Variants in TG observed in about 807,000 individuals in gnomAD.
TG encodes the protein thyroglobulin, also known as thyroid hormones.
Under a neutral mutation model 324.7 loss-of-function variants are expected in TG, and 270 were observed. That is an observed-to-expected ratio of 0.83 (90% confidence interval 0.75 to 0.92). The LOEUF is 0.92. Ranked by LOEUF, TG falls within the 40% of genes least tolerant of loss-of-function variation. The pLI, the probability that TG is intolerant of heterozygous loss-of-function variation, is 0.00. For synonymous variants in TG, 1,401 were observed against 1,327.0 expected (o/e 1.06, Z -1.21); for missense variants, 3,591 against 3,456.4 (o/e 1.04, Z -0.98).
At chr8:132,982,804 TCA>T (rs926302377) in intron 34 of TG, among the ~76,000 whole-genome samples, 28 of 152,326 alleles carry the variant, frequency 1.8e-4, no homozygotes, top group African/African-American at 6.0e-4. Flanking sequence ...CTTGCCCAGT[TCA>T]CAGAGTCAGT....
chr8:132,931,342 T>C (rs1176217365), intron 23 of TG, among the ~76,000 whole-genome samples: 1 of 152,350 alleles, frequency 6.6e-6, no homozygotes, highest in Non-Finnish European at 1.5e-5. Flanking sequence ...GACTACATGA[T>C]ACAAATTGTG....
At chr8:132,976,816 C>T (rs911889675) in intron 34 of TG, among the ~76,000 whole-genome samples, 2 of 152,050 alleles carry the variant, frequency 1.3e-5, no homozygotes, top group Admixed American at 6.6e-5. Flanking sequence ...TTTGACTCTC[C>T]AGCAGAGCAG....
intron 30 of TG, 73 bp from the exon 31 acceptor site, chr8:132,967,721 G>C: frequency 6.5e-7 from 1 of 1,548,362 alleles, no homozygotes; most frequent in African/African-American, 1.4e-5. Context: ...TCCCCACCCA[G>C]AGAATCCTGT....
intron 35 of TG, among the ~76,000 whole-genome samples, chr8:133,007,236 G>A (rs1317914808): frequency 6.6e-6 from 1 of 152,076 alleles, no homozygotes; most frequent in African/African-American, 2.4e-5. Context: ...GCTGGAAGGA[G>A]TAAGACCGGG....
intron 22 of TG, among the ~76,000 whole-genome samples, chr8:132,928,698 A>C (rs1194513362): frequency 6.6e-6 from 1 of 152,256 alleles, no homozygotes; most frequent in Non-Finnish European, 1.5e-5. Flanking sequence ...GAAAGAATTC[A>C]AGTTGTTTTA....
rs1587166863 is a variant in TG, at chr8:132,871,345, C to G, written c.275-3C>G. On this transcript the variant is annotated splice_region_variant and splice_polypyrimidine_tract_variant and intron_variant, in intron 3 of 47. Transcript: ENST00000220616. ...TATCTAACATTGCTCCTTGTACCCACAGGTCTGTCATTTTGTCAGCTACAG... is the reference window on the plus strand; with the variant it reads ...TATCTAACATTGCTCCTTGTACCCAGAGGTCTGTCATTTTGTCAGCTACAG... 4 of 1,614,198 alleles carry G rather than the reference C, an allele frequency of 2.5e-6. No homozygotes were observed. Among genetic ancestry groups the G allele is most frequent in the Non-Finnish European group, 3.4e-6 (4 of 1,180,008 alleles).
Position 132,888,226 on chromosome 8 carries a change from A to T in TG, c.2419A>T (p.Met807Leu). 1 of 1,614,230 alleles carries T rather than the reference A, an allele frequency of 6.2e-7. No individual in the cohort carries two copies. Among genetic ancestry groups the T allele is most frequent in the Non-Finnish European group, 8.5e-7 (1 of 1,180,038 alleles). Residue 807 changes from methionine (M) to leucine (L), a missense_variant, in exon 10 of 48, where the codon ATG becomes TTG. Physicochemically the swap from Met to Leu is conservative, Grantham distance 15. Coordinates refer to ENST00000220616, the MANE Select transcript of TG (RefSeq NM_003235.5). ...LTPAKLLVKI[M>L]SYREAASGNF... ...GCCTGCCAAGCTGCTAGTGAAGATCATGAGCTACAGAGAAGCAGCTTCCGG... is the reference window on the plus strand; with the variant it reads ...GCCTGCCAAGCTGCTAGTGAAGATCTTGAGCTACAGAGAAGCAGCTTCCGG...
intron 34 of TG, among the ~76,000 whole-genome samples, chr8:132,982,349 C>T (rs937757433): frequency 1.3e-5 from 2 of 152,088 alleles, no homozygotes; most frequent in Non-Finnish European, 2.9e-5. Flanking sequence ...TCCCATGTAC[C>T]GTCCTAGTTT....
chr8:132,945,967 C>T (rs1163332494), intron 26 of TG, among the ~76,000 whole-genome samples: 1 of 151,580 alleles, frequency 6.6e-6, no homozygotes, highest in Non-Finnish European at 1.5e-5. Flanking sequence ...TCCTAAAATT[C>T]CTTCTACATT....
rs1294878648 is a variant in TG, at chr8:132,946,530, C to G, written c.5234-2246C>G. Among the ~76,000 whole-genome samples, 38 of 152,196 alleles carry G rather than the reference C, an allele frequency of 2.5e-4. 1 individual carries two copies. Among genetic ancestry groups the G allele is most frequent in the Admixed American group, 2.5e-3 (38 of 15,276 alleles). ...GGCTGGATCTGCTGACGACCAGGAACAGAATTCCACTACATCCTTTACCAC... is the reference window on the plus strand; with the variant it reads ...GGCTGGATCTGCTGACGACCAGGAAGAGAATTCCACTACATCCTTTACCAC... On this transcript the variant is annotated intron_variant, in intron 26 of 47. Coordinates refer to ENST00000220616, the MANE Select transcript of TG (RefSeq NM_003235.5).
chr8:133,011,627 T>C (rs746673286), intron 35 of TG, among the ~76,000 whole-genome samples: 19 of 152,236 alleles, frequency 1.2e-4, no homozygotes, highest in Non-Finnish European at 1.8e-4. Context: ...CATTCTACTA[T>C]GAGCTGCTTA....
intron 13 of TG, among the ~76,000 whole-genome samples, 194 bp from the exon 14 acceptor site, chr8:132,898,604 T>C (rs1411665481): frequency 6.6e-6 from 1 of 152,254 alleles, no homozygotes; most frequent in Non-Finnish European, 1.5e-5. Flanking sequence ...CAGCCATGTG[T>C]AATCCACAGT....
intron 11 of TG, 102 bp from the exon 12 acceptor site, chr8:132,897,546 AG>A: frequency 2.7e-6 from 4 of 1,474,994 alleles, no homozygotes; most frequent in Middle Eastern, 3.4e-4. Flanking sequence ...ATAAATAAGA[AG>A]GCCTCCTTAT....
chr8:133,109,503 T>C (rs891037224), intron 43 of TG, among the ~76,000 whole-genome samples: 11 of 152,290 alleles, frequency 7.2e-5, no homozygotes, highest in Admixed American at 6.5e-4. Context: ...TTTGGTAATA[T>C]TTCAGCAGCC....
At chr8:133,029,218 A>G (rs1458452110) in intron 40 of TG, among the ~76,000 whole-genome samples, 1 of 148,808 alleles carries the variant, frequency 6.7e-6, no homozygotes, top group Non-Finnish European at 1.5e-5. Flanking sequence ...GTTTGTATCT[A>G]GATCATTTTA....
chr8:133,067,353 C>G (rs1412386892), intron 41 of TG, among the ~76,000 whole-genome samples: 1 of 152,144 alleles, frequency 6.6e-6, no homozygotes, highest in Non-Finnish European at 1.5e-5. Flanking sequence ...CTGCGGCATA[C>G]CAGGGGCTCT....
chr8:132,942,821 A>G (rs1276516207), intron 26 of TG, among the ~76,000 whole-genome samples: 2 of 152,126 alleles, frequency 1.3e-5, no homozygotes, highest in Admixed American at 1.3e-4. Flanking sequence ...AAGAAGAGGA[A>G]CTTGGGCCAG....
At chr8:133,040,235 T>C in intron 41 of TG, 1 of 1,244,340 alleles carries the variant, frequency 8.0e-7, no homozygotes, top group Non-Finnish European at 1.1e-6. Flanking sequence ...GCTGCTGCCA[T>C]GGGGAACTGG....
Position 132,938,435 on chromosome 8 carries a change from A to G in TG, c.5041+2571A>G, listed in dbSNP as rs541326042. Among the ~76,000 whole-genome samples the G allele has an allele frequency of 2.6e-5, 4 of 152,294 alleles. No homozygotes were observed. In the South Asian group the frequency reaches 8.3e-4, roughly 32 times the overall value. ...ACCCCTCATCTCACAGATGAGGTCT[A>G]GGAAAAGGAACCATCTTACTACATG... On this transcript the variant is annotated intron_variant, in intron 25 of 47. Transcript: ENST00000220616.
Sources: allele counts gnomAD v4.1 joint callset (sites outside exome capture counted in the v4.1 genomes callset), GRCh38; gene constraint gnomAD v4.1.1; transcripts MANE v1.5; gene names NCBI Gene and HGNC (gene_info 2026-07-23, HGNC 2026-07-21).